Variants in GREB1 observed in about 807,000 individuals in gnomAD.
GREB1 encodes growth regulating estrogen receptor binding 1.
In GREB1, 106 loss-of-function variants were observed where a neutral mutation model predicts 200.7. That is an observed-to-expected ratio of 0.53 (90% CI 0.45 to 0.62). The LOEUF (loss-of-function observed/expected upper bound fraction) is 0.62. Among genes scored for constraint, GREB1 ranks in the 20% least tolerant of loss-of-function variants. The pLI is 0.00. For synonymous variants in GREB1, 1,132 were observed against 1,092.4 expected (o/e 1.04, Z -0.72); for missense variants, 2,243 against 2,556.8 (o/e 0.88, Z 2.65).
At position 11,585,361 on chromosome 2, in the gene GREB1, C is replaced by T. The variant is rs116308451; in HGVS notation, c.1015+87C>T. The T allele has an allele frequency of 2.7e-3, 2,101 of 790,252 alleles. 28 individuals are homozygous for T. In the African/African-American group the frequency reaches 0.03, roughly 11 times the overall value. The allele number at this position is 790,252 out of a possible 1,614,324, so 49.0% of individuals were successfully genotyped here. A position where few individuals can be genotyped will look rare whatever the true frequency, so the allele number is the denominator to read the frequency against. ...AGTTGTGTGTATGTGTGCGTGTGTG[C>T]GTGCGCACGAGTGTGAATGTGCGTG... On this transcript the variant is annotated intron_variant, in intron 8 of 32. Transcript: ENST00000381486.
intron 22 of GREB1, among the ~76,000 whole-genome samples, chr2:11,620,358 A>G (rs986219571): frequency 2.6e-5 from 4 of 152,186 alleles, no homozygotes; most frequent in African/African-American, 9.7e-5. Context: ...ACCAAAATGG[A>G]CTAAGATTAA....
intron 1 of GREB1, among the ~76,000 whole-genome samples, chr2:11,538,776 CCGTCTTCCTTCCT>C (rs1198317466): frequency 2.0e-4 from 5 of 24,414 alleles, no homozygotes; most frequent in Non-Finnish European, 1.3e-4. Flanking sequence ...TCCTTCCTTC[CCGTCTTCCTTCCT>C]TCCTTCCCTT....
intron 1 of GREB1, chr2:11,517,268 A>G (rs536173570): frequency 1.3e-5 from 2 of 152,702 alleles, no homozygotes; most frequent in African/African-American, 4.8e-5. Flanking sequence ...TCGCTGCCTG[A>G]AGGTGCTGAT....
intron 19 of GREB1, among the ~76,000 whole-genome samples, chr2:11,613,828 G>A (rs1037446154): frequency 6.6e-6 from 1 of 152,124 alleles, no homozygotes; most frequent in Non-Finnish European, 1.5e-5. Context: ...TTACCATCCT[G>A]TTTCATGGTT....
rs773628293 is a variant in GREB1, at chr2:11,588,861, C to T, written c.1275C>T (p.Gly425=). 50 of 1,613,954 alleles carry T rather than the reference C, an allele frequency of 3.1e-5. 1 individual carries two copies. Among genetic ancestry groups the T allele is most frequent in the African/African-American group, 2.1e-4 (16 of 74,926 alleles). ...TCTCACGGGCATACGAGCAGTACGG[C>T]GCCTCTGCCATCCAGCCCATCTCCG... The part of the protein sequence containing the change: ...QSVSRAYEQY[G]ASAIQPISEE... The change falls in exon 10 of 33, where the codon GGC becomes GGT. Residue 425 remains glycine (G), a synonymous_variant. Coordinates refer to ENST00000381486, the MANE Select transcript of GREB1 (RefSeq NM_014668.4).
At position 11,534,875 on chromosome 2, in the gene GREB1, G is replaced by C. The variant is rs138909211; in HGVS notation, c.-162+621G>C. Among the ~76,000 whole-genome samples, 20 of 152,296 alleles carry C rather than the reference G, an allele frequency of 1.3e-4. No individual in the cohort carries two copies. The East Asian group carries it at 3.9e-3, about 29-fold the overall frequency. On this transcript the variant is annotated intron_variant, in intron 1 of 32. Transcript: ENST00000381486. ...CATGTGTGTTTAAGAGTGAGGCAGA[G>C]AAGGTTGACTGGGAGTGTTGTGTCC...
At chr2:11,570,629 C>G (rs976379409) in intron 4 of GREB1, among the ~76,000 whole-genome samples, 3 of 150,964 alleles carry the variant, frequency 2.0e-5, no homozygotes, top group African/African-American at 7.3e-5. Context: ...TGTGTAGGTC[C>G]TTCCTCCCTA....
At chr2:11,588,507 C>T (rs942663089) in intron 9 of GREB1, 14 of 567,410 alleles carry the variant, frequency 2.5e-5, no homozygotes, top group Admixed American at 1.4e-4. Context: ...GAGGATTGGA[C>T]GAAATGAACC....
At chr2:11,623,110 A>G (rs899601770) in intron 23 of GREB1, among the ~76,000 whole-genome samples, 2 of 152,236 alleles carry the variant, frequency 1.3e-5, no homozygotes, top group African/African-American at 4.8e-5. Flanking sequence ...AACGGACTGC[A>G]TCTGTGACGT....
chr2:11,585,142 C>T lies in GREB1; in HGVS notation c.902-19C>T, dbSNP rs2148116709. 1 of 1,417,084 alleles carries T rather than the reference C, an allele frequency of 7.1e-7. No homozygotes were observed. Among genetic ancestry groups the T allele is most frequent in the Non-Finnish European group, 9.6e-7 (1 of 1,036,962 alleles). 87.8% of individuals were successfully genotyped at this position (1,417,084 alleles called of 1,614,324 possible). ...CCTGTCCTGGTGATAGCCTAATCCA[C>T]ACTCTGAATATTGTCTAGGTATCTT... is the stretch of plus-strand genomic sequence containing the variant. On this transcript the variant is annotated intron_variant, in intron 7 of 32. Transcript: ENST00000381486.
In GREB1 at chr2:11,625,140, T is replaced by C; in HGVS notation, c.4148-14T>C. Reference sequence around the variant, plus strand: ...TCCTATTTTGTCACATCTATGTTTCTACCAATCTTGTAGACCTCAGAGAAG... The same window carrying C: ...TCCTATTTTGTCACATCTATGTTTCCACCAATCTTGTAGACCTCAGAGAAG... On this transcript the variant is annotated splice_polypyrimidine_tract_variant and intron_variant, in intron 23 of 32. Transcript: ENST00000381486. 4 of 1,607,232 alleles carry C rather than the reference T, an allele frequency of 2.5e-6. No homozygotes were observed. The highest frequency in any genetic ancestry group is 3.4e-6 in the Non-Finnish European group (4 of 1,174,050).
rs374277928 is a variant in GREB1 at position 11,610,859 on chromosome 2, C to T, written c.2838C>T (p.His946=). 42 of 1,613,200 alleles carry T rather than the reference C, an allele frequency of 2.6e-5. No individual in the cohort carries two copies. Among genetic ancestry groups the T allele is most frequent in the East Asian group, 4.5e-5 (2 of 44,900 alleles). ...LNSPKQCPCG[H]GLMVLLRVPC... The stretch of plus-strand genomic sequence containing the variant: ...CCCCGAAGCAGTGCCCCTGCGGCCA[C>T]GGGCTCATGGTCCTGCTGCGGGTGC... The change falls in exon 18 of 33, where the codon CAC becomes CAT. Residue 946 remains histidine (H), a synonymous_variant. Transcript: ENST00000381486.
intron 3 of GREB1, 129 bp from the exon 4 acceptor site, chr2:11,566,351 T>C: frequency 1.2e-6 from 1 of 803,634 alleles, no homozygotes; most frequent in Non-Finnish European, 1.9e-6. Flanking sequence ...CAGGATTAAT[T>C]TTGAGGTCAA....
intron 1 of GREB1, among the ~76,000 whole-genome samples, chr2:11,552,231 C>T (rs1675923978): frequency 6.6e-6 from 1 of 152,236 alleles, no homozygotes; most frequent in South Asian, 2.1e-4. Context: ...GAGCATCACA[C>T]ACCAGCCTGG....
intron 4 of GREB1, among the ~76,000 whole-genome samples, chr2:11,568,594 GC>G (rs1677933657): frequency 6.6e-6 from 1 of 152,276 alleles, no homozygotes; most frequent in Admixed American, 6.5e-5. Flanking sequence ...GCGAGGCCAT[GC>G]CTGGTGGCCA....
At position 11,593,041 on chromosome 2, in the gene GREB1, C is replaced by T. The variant is rs1277825003; in HGVS notation, c.1611C>T (p.Val537=). 6.2e-7 allele frequency: 1 copy of T among 1,613,046 alleles called. No individual in the cohort carries two copies. The highest frequency in any genetic ancestry group is 8.5e-7 in the Non-Finnish European group (1 of 1,179,806). Residue 537 remains valine, a synonymous_variant, in exon 11 of 33, where the codon GTC becomes GTT. Coordinates refer to ENST00000381486, the MANE Select transcript of GREB1 (RefSeq NM_014668.4). ...EGLSEMFRLL[V]EGKLAKTNYV... ...TCTCCGAGATGTTCCGGCTGTTGGT[C>T]GAGGGCAAGCTTGCCAAGACCAACT...
In GREB1 at chr2:11,607,611, C is replaced by T. The variant is rs200965216; in HGVS notation, c.2667-3077C>T. ...ATATATACATATATATACATATATA[C>T]ACATATATGCATATATATACATATA... On this transcript the variant is annotated intron_variant, in intron 17 of 32. Transcript: ENST00000381486. Among the ~76,000 whole-genome samples, 84 of 12,094 alleles carry T rather than the reference C, an allele frequency of 6.9e-3. 1 individual carries two copies. The highest frequency in any genetic ancestry group is 0.026 in the South Asian group (3 of 114). 7.9% of individuals were successfully genotyped at this position (12,094 alleles called of 152,430 possible).
chr2:11,541,946 T>A (rs905723228), intron 1 of GREB1, among the ~76,000 whole-genome samples: 1 of 152,172 alleles, frequency 6.6e-6, no homozygotes, highest in African/African-American at 2.4e-5. Flanking sequence ...TCAACTTTGA[T>A]GACTGAGCCT....
Position 11,607,599 on chromosome 2 carries a change from T to TATACATATAG in GREB1, c.2667-3080_2667-3079insGATACATATA, listed in dbSNP as rs1682502577. ...ACACATATATACATATATACATATATATACATATATACACATATATGCATA... is the reference window on the plus strand; with the variant it reads ...ACACATATATACATATATACATATATATACATATAGATACATATATACACATATATGCATA... On this transcript the variant is annotated intron_variant, in intron 17 of 32. Transcript: ENST00000381486. 2.1e-4 allele frequency among the ~76,000 whole-genome samples: 9 copies of TATACATATAG among 42,076 alleles called. 1 individual carries two copies. The highest frequency in any genetic ancestry group is 4.8e-4 in the African/African-American group (7 of 14,652). 27.6% of individuals were successfully genotyped at this position (42,076 alleles called of 152,430 possible).
Sources: gnomAD v4.1 joint callset for allele counts (sites outside exome capture counted in the v4.1 genomes callset) on GRCh38, gnomAD v4.1.1 for gene constraint, MANE v1.5 for transcripts, NCBI Gene and HGNC (gene_info 2026-07-23, HGNC 2026-07-21) for gene names.